The following AMY2B variants were observed in gnomAD, a reference collection of about 807,000 sequenced individuals.
AMY2B encodes the protein alpha-amylase 2B.
AMY2B carries 63 observed loss-of-function variants against 59.3 expected under a neutral mutation model. That is an observed-to-expected ratio of 1.06 (90% CI 0.87 to 1.31). AMY2B has a LOEUF of 1.31. Ranked by LOEUF, AMY2B falls within the 50% of genes most tolerant of loss-of-function variation. The pLI, the probability that AMY2B is intolerant of heterozygous loss-of-function variation, is 0.00. For synonymous variants in AMY2B, 180 were observed against 198.1 expected, an observed-to-expected ratio of 0.91 and a Z score of 0.77; for missense variants, 635 against 626.7, an observed-to-expected ratio of 1.01 and a Z score of -0.14.
At position 103,579,461 on chromosome 1, in the gene AMY2B, G is replaced by A. The variant is rs745466744; in HGVS notation, c.1497G>A (p.Glu499=). Residue 499 remains glutamate (E), a synonymous_variant, in exon 10 of 10, where the codon GAG becomes GAA. Transcript: ENST00000684275. ...KAHFSISNSA[E]DPFIAIHAES... ...ATTTTTCTATTAGTAACTCTGCTGA[G>A]GATCCATTTATTGCAATTCATGCTG... 123 of 1,611,404 alleles carry A rather than the reference G, an allele frequency of 7.6e-5. No individual in the cohort carries two copies. Among genetic ancestry groups the A allele is most frequent in the Admixed American group, 3.3e-5 (2 of 59,978 alleles).
At chr1:103,560,888 G>A (rs1651709175) in intron 1 of AMY2B, among the ~76,000 whole-genome samples, 1 of 152,030 alleles carries the variant, frequency 6.6e-6, no homozygotes, top group Non-Finnish European at 1.5e-5. Context: ...CTGATTAGTA[G>A]GTAAGAGCTC....
Position 103,573,161 on chromosome 1 carries a change from T to G in AMY2B, c.414T>G (p.Ser138Arg), listed in dbSNP as rs753376439. Reference protein sequence around the residue: ...STCGSYFNPGSRDFPAVPYSG... With the variant: ...STCGSYFNPGRRDFPAVPYSG... ...GTGGAAGTTACTTCAACCCTGGAAGTAGGGACTTTCCAGCAGTCCCATATT... is the reference window on the plus strand; with the variant it reads ...GTGGAAGTTACTTCAACCCTGGAAGGAGGGACTTTCCAGCAGTCCCATATT... Residue 138 changes from serine to arginine, a missense_variant, in exon 3 of 10, where the codon AGT becomes AGG. Transcript: ENST00000684275. The G allele has an allele frequency of 4.3e-5, 69 of 1,613,646 alleles. No homozygotes were observed. The highest frequency in any genetic ancestry group is 5.8e-5 in the Non-Finnish European group (68 of 1,179,736).
At chr1:103,573,617 T>A in intron 3 of AMY2B, 91 bp from the exon 4 acceptor site, 2 of 1,565,354 alleles carry the variant, frequency 1.3e-6, no homozygotes. Flanking sequence ...GAATATCTCT[T>A]GAGGAATCAT....
intron 1 of AMY2B, among the ~76,000 whole-genome samples, chr1:103,562,768 G>T (rs1189484514): frequency 6.7e-6 from 1 of 148,684 alleles, no homozygotes; most frequent in African/African-American, 2.5e-5. Context: ...TAGGGGGAAA[G>T]AACTTGTAAA....
At chr1:103,569,396 TTGTGTGTGTG>T (rs58457409), upstream of AMY2B, 11 of 151,094 alleles carry the variant, frequency 7.3e-5, no homozygotes, top group African/African-American at 2.1e-4. Flanking sequence ...TTATGTGGGT[TTGTGTGTGTG>T]TGTGTGTGTG....
chr1:103,564,761 T>G (rs1435380203), intron 1 of AMY2B, among the ~76,000 whole-genome samples: 1 of 152,180 alleles, frequency 6.6e-6, no homozygotes, highest in Non-Finnish European at 1.5e-5. Context: ...CATTGCTTTG[T>G]TGAAAACTAC....
rs1383203025 is a variant in AMY2B, at chr1:103,575,325, T to A, written c.981T>A (p.Ile327=). The A allele has an allele frequency of 1.9e-6, 3 of 1,613,626 alleles. No individual in the cohort carries two copies. Among genetic ancestry groups the A allele is most frequent in the Non-Finnish European group, 2.5e-6 (3 of 1,179,680 alleles). ...GACATGGGGCTGGAGGAGCCTCTAT[T>A]CTTACCTTCTGGGATGCTAGGTAGA... The part of the protein sequence containing the change: ...QRGHGAGGAS[I]LTFWDARLYK... Residue 327 remains isoleucine, a synonymous_variant, in exon 6 of 10, where the codon ATT becomes ATA. Coordinates refer to ENST00000684275, the MANE Select transcript of AMY2B (RefSeq NM_001387437.1).
At chr1:103,562,551 G>A (rs917211652) in intron 1 of AMY2B, among the ~76,000 whole-genome samples, 1 of 151,930 alleles carries the variant, frequency 6.6e-6, no homozygotes, top group Non-Finnish European at 1.5e-5. Flanking sequence ...ACTTGATCAA[G>A]TTCATAAATG....
intron 1 of AMY2B, among the ~76,000 whole-genome samples, chr1:103,560,835 T>A (rs550138712): frequency 8.5e-5 from 13 of 152,284 alleles, no homozygotes; most frequent in Non-Finnish European, 1.3e-4. Context: ...CATATAATAT[T>A]TTATTTGATT....
chr1:103,578,502 AC>A (rs1652449983), intron 9 of AMY2B, among the ~76,000 whole-genome samples: 1 of 152,168 alleles, frequency 6.6e-6, no homozygotes, highest in Non-Finnish European at 1.5e-5. Flanking sequence ...CTCGTTGCAA[AC>A]AGTTGAATTG....
At chr1:103,577,442 AG>A (rs753313404) in intron 7 of AMY2B, 47 bp from the exon 8 acceptor site, 4 of 1,611,612 alleles carry the variant, frequency 2.5e-6, no homozygotes, top group African/African-American at 2.7e-5. Flanking sequence ...GAGAAGGAAG[AG>A]GTAAATATAT....
upstream of AMY2B, chr1:103,570,340 T>A (rs1652075774): frequency 1.5e-6 from 1 of 685,240 alleles, no homozygotes; most frequent in Non-Finnish European, 2.7e-6. Context: ...TGTTCCAGCC[T>A]TCCTTCCTGG....
chr1:103,562,122 T>C (rs1019381923), intron 1 of AMY2B: 9 of 152,204 alleles, frequency 5.9e-5, no homozygotes, highest in Admixed American at 6.5e-5. Flanking sequence ...TTTTTGAGTA[T>C]TATGTAAGTC....
At chr1:103,562,125 T>C (rs1651752370) in intron 1 of AMY2B, 1 of 152,220 alleles carries the variant, frequency 6.6e-6, no homozygotes. Flanking sequence ...TTGAGTATTA[T>C]GTAAGTCCTC....
intron 7 of AMY2B, 135 bp downstream of exon 7, chr1:103,575,675 A>T: frequency 1.5e-6 from 2 of 1,312,916 alleles, no homozygotes; most frequent in Non-Finnish European, 2.1e-6. Flanking sequence ...CTGCGATTTT[A>T]GTAATGCAGG....
rs751661029 is a variant in AMY2B at position 103,573,770 on chromosome 1, C to A, written c.576C>A (p.Ser192=). 9 of 1,613,632 alleles carry A rather than the reference C, an allele frequency of 5.6e-6. No homozygotes were observed. The highest frequency in any genetic ancestry group is 6.8e-6 in the Non-Finnish European group (8 of 1,179,760). Residue 192 remains serine, a synonymous_variant, in exon 4 of 10, where the codon TCC becomes TCA. Coordinates refer to ENST00000684275, the MANE Select transcript of AMY2B (RefSeq NM_001387437.1). The part of the protein sequence containing the change: ...DLALEKDYVR[S]KIAEYMNHLI... ...CACTGGAGAAAGATTATGTGCGTTC[C>A]AAGATTGCCGAATATATGAATCATC...
At chr1:103,576,192 CT>C (rs970119492) in intron 7 of AMY2B, among the ~76,000 whole-genome samples, 2 of 152,066 alleles carry the variant, frequency 1.3e-5, no homozygotes, top group African/African-American at 4.8e-5. Flanking sequence ...AGAAGGTTTT[CT>C]TTAAACTAAA....
intron 1 of AMY2B, among the ~76,000 whole-genome samples, chr1:103,564,663 G>C (rs1651849816): frequency 6.6e-6 from 1 of 152,058 alleles, no homozygotes; most frequent in South Asian, 2.1e-4. Flanking sequence ...ACTGCCCTCT[G>C]TATAGTAGTT....
rs770925657 is a variant in AMY2B at position 103,573,905 on chromosome 1, C to T, written c.711C>T (p.Phe237=). The part of the protein sequence containing the change: ...DKLHNLNSNW[F]PAGSKPFIYQ... ...TGCATAATCTAAACAGTAACTGGTT[C>T]CCTGCAGGAAGTAAACCTTTCATTT... The change falls in exon 4 of 10, where the codon TTC becomes TTT. Residue 237 remains phenylalanine, a synonymous_variant. Transcript: ENST00000684275. 1.2e-6 allele frequency: 2 copies of T among 1,613,726 alleles called. No individual in the cohort carries two copies. The highest frequency in any genetic ancestry group is 1.1e-5 in the South Asian group (1 of 91,072).
Sources: gnomAD v4.1 joint callset for allele counts (sites outside exome capture counted in the v4.1 genomes callset) on GRCh38, gnomAD v4.1.1 for gene constraint, MANE v1.5 for transcripts, NCBI Gene and HGNC (gene_info 2026-07-23, HGNC 2026-07-21) for gene names.